Variants in ROBO2 observed in about 807,000 individuals in gnomAD.
ROBO2 encodes roundabout guidance receptor 2.
In ROBO2, 53 loss-of-function variants were observed where a neutral mutation model predicts 160.8. The ratio of observed to expected loss-of-function variants is 0.33; its 90% CI spans 0.26 to 0.41. The LOEUF (loss-of-function observed/expected upper bound fraction) is 0.41. Ranked by LOEUF, ROBO2 falls within the 10% of genes least tolerant of loss-of-function variation. The probability of loss-of-function intolerance (pLI) is 1.00; values close to 1 mark genes in which losing one functional copy is unlikely to be tolerated. For missense variants in ROBO2, 1,577 were observed against 1,722.4 expected (o/e 0.92, Z 1.49); for synonymous variants, 664 against 611.7 (o/e 1.09, Z -1.26).
intron 2 of ROBO2, among the ~76,000 whole-genome samples, chr3:76,098,993 C>T (rs915825732): frequency 6.6e-6 from 1 of 152,124 alleles, no homozygotes; most frequent in African/African-American, 2.4e-5. Context: ...AAAATGATCA[C>T]ATTTTCACTC....
At chr3:76,447,967 C>T (rs1044921631) in intron 2 of ROBO2, among the ~76,000 whole-genome samples, 1 of 151,292 alleles carries the variant, frequency 6.6e-6, no homozygotes, top group Non-Finnish European at 1.5e-5. Flanking sequence ...GGGTGCAGCA[C>T]ACCAACGTGG....
intron 2 of ROBO2, among the ~76,000 whole-genome samples, chr3:76,169,212 C>T (rs1174436704): frequency 2.0e-5 from 3 of 152,116 alleles, no homozygotes; most frequent in Non-Finnish European, 4.4e-5. Flanking sequence ...GATGAGAAAA[C>T]TGTGGCTCAC....
chr3:77,341,299 C>G (rs2067031036), intron 2 of ROBO2, among the ~76,000 whole-genome samples: 1 of 152,146 alleles, frequency 6.6e-6, no homozygotes, highest in African/African-American at 2.4e-5. Context: ...CATTATATAT[C>G]TGACCTTTTC....
chr3:76,081,353 G>T (rs1044439722), intron 2 of ROBO2, among the ~76,000 whole-genome samples: 1 of 151,980 alleles, frequency 6.6e-6, no homozygotes, highest in South Asian at 2.1e-4. Flanking sequence ...AACTGAAACT[G>T]TCTGAACTGA....
intron 2 of ROBO2, among the ~76,000 whole-genome samples, chr3:76,853,540 C>A (rs1179456): frequency 4.0e-5 from 6 of 151,828 alleles, no homozygotes; most frequent in Non-Finnish European, 8.8e-5. Context: ...CCTAAATTTA[C>A]TGCAAATTTG....
chr3:77,299,169 A>G (rs1010787150), intron 2 of ROBO2, among the ~76,000 whole-genome samples: 1 of 152,226 alleles, frequency 6.6e-6, no homozygotes, highest in East Asian at 1.9e-4. Flanking sequence ...TTTTTAAAAT[A>G]TAAGTTGAGA....
At chr3:77,028,600 A>G in intron 2 of ROBO2, among the ~76,000 whole-genome samples, 1 of 152,190 alleles carries the variant, frequency 6.6e-6, no homozygotes, top group Non-Finnish European at 1.5e-5. Flanking sequence ...TGTGCCTGTA[A>G]TCCCAGCTTC....
intron 2 of ROBO2, among the ~76,000 whole-genome samples, chr3:76,483,813 G>A (rs964072195): frequency 6.6e-6 from 1 of 152,084 alleles, no homozygotes; most frequent in Non-Finnish European, 1.5e-5. Flanking sequence ...AGAACATGCG[G>A]TATGTGGTTT....
intron 2 of ROBO2, among the ~76,000 whole-genome samples, chr3:76,257,489 C>G (rs756314880): frequency 1.3e-5 from 2 of 152,084 alleles, no homozygotes; most frequent in Admixed American, 6.6e-5. Flanking sequence ...TGATGTTTAC[C>G]TAATTGATTC....
intron 2 of ROBO2, among the ~76,000 whole-genome samples, chr3:76,091,673 C>G (rs2069242312): frequency 6.6e-6 from 1 of 152,108 alleles, no homozygotes; most frequent in Non-Finnish European, 1.5e-5. Flanking sequence ...TTGGAAGCAA[C>G]TAAGATTTCC....
chr3:77,420,354 A>C (rs2153531472), intron 2 of ROBO2, among the ~76,000 whole-genome samples: 1 of 152,184 alleles, frequency 6.6e-6, no homozygotes, highest in Admixed American at 6.5e-5. Flanking sequence ...CATATGGTAT[A>C]TATGGTCGTG....
intron 2 of ROBO2, among the ~76,000 whole-genome samples, chr3:76,137,071 G>A (rs2071454127): frequency 6.6e-6 from 1 of 151,888 alleles, no homozygotes; most frequent in African/African-American, 2.4e-5. Flanking sequence ...AAATTCAGTG[G>A]CTTAAATTAC....
intron 2 of ROBO2, among the ~76,000 whole-genome samples, chr3:77,433,544 A>G (rs2079009351): frequency 1.4e-5 from 2 of 141,612 alleles, no homozygotes; most frequent in South Asian, 4.5e-4. Context: ...ATCTTTAAAC[A>G]ACTGAGTTTC....
At chr3:77,474,657 TACACACACACACAC>T (rs9286680) in intron 2 of ROBO2, among the ~76,000 whole-genome samples, 34 of 128,574 alleles carry the variant, frequency 2.6e-4, no homozygotes, top group African/African-American at 9.2e-4. Flanking sequence ...TTAGGGGGAA[TACACACACACACAC>T]ACACACACAC....
intron 2 of ROBO2, among the ~76,000 whole-genome samples, chr3:77,217,310 T>A (rs963558222): frequency 1.3e-5 from 2 of 152,130 alleles, no homozygotes; most frequent in Non-Finnish European, 2.9e-5. Flanking sequence ...GCCTGGCTAC[T>A]TTTTGTATTT....
chr3:76,870,034 A>T (rs564718936), intron 2 of ROBO2, among the ~76,000 whole-genome samples: 3 of 152,176 alleles, frequency 2.0e-5, no homozygotes, highest in Non-Finnish European at 2.9e-5. Context: ...GTTTCCTAGG[A>T]CCTATTGCAT....
intron 2 of ROBO2, among the ~76,000 whole-genome samples, chr3:77,375,294 G>C (rs147463219): frequency 2.0e-5 from 3 of 152,112 alleles, no homozygotes; most frequent in Non-Finnish European, 4.4e-5. Context: ...ACCTCTGTTC[G>C]GTTCCCAATG....
chr3:77,484,035 G>C (rs2085024173), intron 4 of ROBO2, among the ~76,000 whole-genome samples: 1 of 151,822 alleles, frequency 6.6e-6, no homozygotes, highest in East Asian at 1.9e-4. Context: ...TCAAAGATAT[G>C]ATCGGTGTAA....
chr3:76,030,731 T>C (rs1224712050), intron 2 of ROBO2, among the ~76,000 whole-genome samples: 4 of 152,196 alleles, frequency 2.6e-5, no homozygotes, highest in African/African-American at 7.2e-5. Flanking sequence ...TCTATGTATC[T>C]GTTTTGGTAC....
Sources: allele counts gnomAD v4.1 joint callset (sites outside exome capture counted in the v4.1 genomes callset), GRCh38; gene constraint gnomAD v4.1.1; transcripts MANE v1.5; gene names NCBI Gene and HGNC (gene_info 2026-07-23, HGNC 2026-07-21).